The following HERC1 variants were observed in gnomAD, a reference collection of about 807,000 sequenced individuals.
The protein encoded by HERC1 is probable E3 ubiquitin-protein ligase HERC1.
HERC1 carries 160 observed loss-of-function variants against 554.3 expected under a neutral mutation model. That is an observed-to-expected ratio of 0.29 (90% CI 0.25 to 0.33). The LOEUF (loss-of-function observed/expected upper bound fraction) is 0.33. HERC1 is among the 10% of genes least tolerant of loss of function. The pLI, the probability that HERC1 is intolerant of heterozygous loss-of-function variation, is 1.00. For missense variants in HERC1, 4,919 were observed against 5,918.5 expected (o/e 0.83, Z 5.54); for synonymous variants, 2,175 against 2,131.7 (o/e 1.02, Z -0.56).
At chr15:63,719,280 G>C (rs143342478) in intron 19 of HERC1, among the ~76,000 whole-genome samples, 20 of 152,320 alleles carry the variant, frequency 1.3e-4, no homozygotes, top group Non-Finnish European at 2.4e-4. Flanking sequence ...GGTTACATTT[G>C]AGCAGAGATC....
intron 1 of HERC1, among the ~76,000 whole-genome samples, chr15:63,802,957 C>A (rs749890102): frequency 9.2e-5 from 14 of 152,174 alleles, no homozygotes; most frequent in Non-Finnish European, 1.6e-4. Context: ...TGCCTATAAT[C>A]CCAACACTTC....
rs563128580 is a variant in HERC1 at position 63,796,828 on chromosome 15, T to A, written c.-26-21179A>T. On this transcript the variant is annotated intron_variant, in intron 1 of 77. Coordinates refer to ENST00000443617, the MANE Select transcript of HERC1 (RefSeq NM_003922.4). ...ATGTCTGTGTTACAATAAAGGGTTATGGAGACCAAGGTTTTATCATGCAGA... is the reference window on the plus strand; with the variant it reads ...ATGTCTGTGTTACAATAAAGGGTTAAGGAGACCAAGGTTTTATCATGCAGA... 1.3e-4 allele frequency among the ~76,000 whole-genome samples: 20 copies of A among 152,332 alleles called. 1 individual carries two copies. The highest frequency in any genetic ancestry group is 4.8e-4 in the African/African-American group (20 of 41,578).
chr15:63,806,340 G>T (rs2077138798), intron 1 of HERC1, among the ~76,000 whole-genome samples: 1 of 151,864 alleles, frequency 6.6e-6, no homozygotes, highest in South Asian at 2.1e-4. Flanking sequence ...TCCTTCAAAG[G>T]CCTATCTCAA....
At position 63,675,133 on chromosome 15, in the gene HERC1, G is replaced by A. The variant is rs1250655844; in HGVS notation, c.7071-16C>T. On this transcript the variant is annotated splice_polypyrimidine_tract_variant and intron_variant, in intron 37 of 77. Transcript: ENST00000443617. ...AGTTGGGAAGCTTTAATAAAGATCA[G>A]AATGACACAGGAAGAAGCAAGTGAG... 2 of 1,561,644 alleles carry A rather than the reference G, an allele frequency of 1.3e-6. No homozygotes were observed. The highest frequency in any genetic ancestry group is 1.2e-5 in the South Asian group (1 of 83,532).
At position 63,817,784 on chromosome 15, in the gene HERC1, A is replaced by G. The variant is rs146169024; in HGVS notation, c.-27+16043T>C. On this transcript the variant is annotated intron_variant, in intron 1 of 77. Transcript: ENST00000443617. The stretch of plus-strand genomic sequence containing the variant: ...GCTAGATAGAAATATAGATGAAACA[A>G]GACTGCCTATGAGTTGATAATTCTT... 8.3e-3 allele frequency among the ~76,000 whole-genome samples: 1,270 copies of G among 152,298 alleles called. 11 individuals carry two copies. The highest frequency in any genetic ancestry group is 0.014 in the Non-Finnish European group (927 of 68,020).
chr15:63,831,251 T>C (rs533278179), intron 1 of HERC1, among the ~76,000 whole-genome samples: 4 of 152,184 alleles, frequency 2.6e-5, no homozygotes, highest in African/African-American at 9.6e-5. Flanking sequence ...GAATTGCAGG[T>C]ATGCACCACC....
At chr15:63,746,399 C>T (rs1425307890) in intron 12 of HERC1, among the ~76,000 whole-genome samples, 1 of 151,948 alleles carries the variant, frequency 6.6e-6, no homozygotes, top group Non-Finnish European at 1.5e-5. Flanking sequence ...TTAAGTTTCC[C>T]CCAAATTTAA....
chr15:63,833,500 C>T (rs1347181572), intron 1 of HERC1, among the ~76,000 whole-genome samples: 2 of 152,100 alleles, frequency 1.3e-5, no homozygotes, highest in African/African-American at 4.8e-5. Flanking sequence ...GGGGCCGGGG[C>T]ACAGACGTTG....
rs2072280369 is a variant in HERC1 at position 63,694,241 on chromosome 15, G to C, written c.5480+71C>G. The C allele has an allele frequency of 6.4e-7, 1 of 1,565,504 alleles. No individual in the cohort carries two copies. Among genetic ancestry groups the C allele is most frequent in the Non-Finnish European group, 8.7e-7 (1 of 1,153,704 alleles). ...TTAAATACATAAAGCAGATTAGAGGGAAAGGGGGAATTCTAAAATGGAGGA... is the reference window on the plus strand; with the variant it reads ...TTAAATACATAAAGCAGATTAGAGGCAAAGGGGGAATTCTAAAATGGAGGA... On this transcript the variant is annotated intron_variant, in intron 29 of 77. Coordinates refer to ENST00000443617, the MANE Select transcript of HERC1 (RefSeq NM_003922.4). The surrounding 1 kb of genome is among the most constrained non-coding windows in gnomAD (Gnocchi z 4.3).
intron 1 of HERC1, among the ~76,000 whole-genome samples, chr15:63,784,728 C>T (rs576148899): frequency 2.0e-5 from 3 of 152,310 alleles, no homozygotes; most frequent in African/African-American, 7.2e-5. Flanking sequence ...CTGCCTCAGC[C>T]TCCCAAGTAA....
At chr15:63,811,809 C>CAA (rs374847616) in intron 1 of HERC1, among the ~76,000 whole-genome samples, 980 of 77,122 alleles carry the variant, frequency 0.013, 23 homozygotes, top group African/African-American at 0.047. Flanking sequence ...ACTCCGTCTC[C>CAA]AAAAAAAAAA....
intron 1 of HERC1, among the ~76,000 whole-genome samples, chr15:63,777,086 A>C (rs1422346165): frequency 6.6e-6 from 1 of 152,228 alleles, no homozygotes; most frequent in African/African-American, 2.4e-5. Context: ...CTGGTAATAG[A>C]GAGAAACCTC....
chr15:63,630,342 G>A, intron 69 of HERC1, 124 bp downstream of exon 69: 1 of 973,776 alleles, frequency 1.0e-6, no homozygotes, highest in South Asian at 1.6e-5. Flanking sequence ...CAGTCCCATA[G>A]CAAAGTGATG....
At chr15:63,743,263 CTTTTT>C (rs71131177) in intron 12 of HERC1, among the ~76,000 whole-genome samples, 7 of 109,188 alleles carry the variant, frequency 6.4e-5, no homozygotes, top group East Asian at 2.4e-4. Context: ...TTTTCTTTTT[CTTTTT>C]TTTTTTTTTT....
Position 63,623,961 on chromosome 15 carries a change from C to T in HERC1, c.13446-71G>A, listed in dbSNP as rs1235877742. ...TTCCCCAAAATCACATGATATCTTCCCATCAGTGAATGAAAAAGCTAGTTT... is the reference window on the plus strand; with the variant it reads ...TTCCCCAAAATCACATGATATCTTCTCATCAGTGAATGAAAAAGCTAGTTT... On this transcript the variant is annotated intron_variant, in intron 72 of 77. Coordinates refer to ENST00000443617, the MANE Select transcript of HERC1 (RefSeq NM_003922.4). The T allele has an allele frequency of 5.3e-6, 8 of 1,507,898 alleles. No homozygotes were observed. In the East Asian group the frequency reaches 1.8e-4, roughly 34 times the overall value. The allele number at this position is 1,507,898 out of a possible 1,614,324, so 93.4% of individuals were successfully genotyped here.
intron 33 of HERC1, among the ~76,000 whole-genome samples, chr15:63,688,435 A>AC (rs200289739): frequency 0.013 from 2,016 of 152,338 alleles, 23 homozygotes; most frequent in East Asian, 0.023. Flanking sequence ...AGATGGGAAT[A>AC]TAAGTCTAGA....
rs370786286 is a variant in HERC1, at chr15:63,623,755, C to T, written c.13581G>A (p.Val4527=). 6.2e-7 allele frequency: 1 copy of T among 1,613,770 alleles called. No homozygotes were observed. The highest frequency in any genetic ancestry group is 8.5e-7 in the Non-Finnish European group (1 of 1,179,874). The change falls in exon 73 of 78, where the codon GTG becomes GTA. Residue 4527 remains valine, a synonymous_variant. Transcript: ENST00000443617. ...VGEGADDAGG[V]FDDTITEMCQ... ...ACATCTCTGTGATGGTGTCATCAAA[C>T]ACTCCTCCAGCATCATCAGCCCCTT... is the stretch of plus-strand genomic sequence containing the variant.
intron 1 of HERC1, among the ~76,000 whole-genome samples, chr15:63,819,862 C>A (rs958348817): frequency 6.6e-6 from 1 of 152,208 alleles, no homozygotes; most frequent in African/African-American, 2.4e-5. Context: ...TTTCTAGCTG[C>A]ATGATCTTAG....
intron 1 of HERC1, chr15:63,780,430 TAAA>T (rs2076253007): frequency 1.3e-5 from 2 of 152,020 alleles, no homozygotes; most frequent in African/African-American, 4.8e-5. Flanking sequence ...ATTAAAAAGG[TAAA>T]ACAGAAGGCC....
Sources: allele counts gnomAD v4.1 joint callset (sites outside exome capture counted in the v4.1 genomes callset), GRCh38; gene constraint gnomAD v4.1.1; non-coding constraint Gnocchi (gnomAD v3.1); transcripts MANE v1.5; gene names NCBI Gene and HGNC (gene_info 2026-07-23, HGNC 2026-07-21).